RASEF: variants seen among roughly 807,000 people sequenced by gnomAD.
RASEF encodes RAS and EF-hand domain containing, also known as ras and EF-hand domain-containing protein.
In RASEF, 68 loss-of-function variants were observed where a neutral mutation model predicts 90.1. The observed-to-expected ratio is 0.75, with a 90% CI of 0.62 to 0.92. RASEF has a LOEUF of 0.92. Among genes scored for constraint, RASEF ranks in the 40% least tolerant of loss-of-function variants. The pLI, the probability that RASEF is intolerant of heterozygous loss-of-function variation, is 0.00. For synonymous variants in RASEF, 331 were observed against 345.2 expected, an observed-to-expected ratio of 0.96 and a Z score of 0.46; for missense variants, 949 against 937.2, an observed-to-expected ratio of 1.01 and a Z score of -0.16.
At chr9:83,038,108 T>C (rs1829775716) in intron 1 of RASEF, among the ~76,000 whole-genome samples, 1 of 152,042 alleles carries the variant, frequency 6.6e-6, no homozygotes, top group South Asian at 2.1e-4. Context: ...TATCTAAGTA[T>C]TGGAAAACAT....
chr9:83,032,384 C>T (rs1829663183), intron 1 of RASEF, among the ~76,000 whole-genome samples: 1 of 152,178 alleles, frequency 6.6e-6, no homozygotes, highest in African/African-American at 2.4e-5. Flanking sequence ...CACTTGCACT[C>T]TCAAATACCA....
chr9:83,097,379 C>A, the RASEF span, among the ~76,000 whole-genome samples: 592 of 152,300 alleles, frequency 3.9e-3, 3 homozygotes, highest in Middle Eastern at 0.02. Flanking sequence ...AAAGCAATGG[C>A]AACAGCAGCC....
chr9:83,113,761 C>T, the RASEF span, among the ~76,000 whole-genome samples: 227 of 152,220 alleles, frequency 1.5e-3, no homozygotes, highest in African/African-American at 5.2e-3. Flanking sequence ...CTAGTCAGAC[C>T]GGTTCTCTGC....
In RASEF at chr9:83,062,779, C is replaced by G. The variant is rs1417306620; in HGVS notation, c.89G>C (p.Arg30Pro). 1.3e-6 allele frequency: 2 copies of G among 1,557,048 alleles called. No individual in the cohort carries two copies. Among genetic ancestry groups the G allele is most frequent in the Non-Finnish European group, 1.7e-6 (2 of 1,161,180 alleles). The stretch of plus-strand genomic sequence containing the variant: ...CGTGCACAGTGCCCGGAACTCCTCG[C>G]GCTCCAGGCGCCCCGAGCGGTTCGC... The part of the protein sequence containing the change: ...CDANRSGRLE[R>P]EEFRALCTEL... Residue 30 changes from arginine (R) to proline (P), a missense_variant, in exon 1 of 17, where the codon CGC becomes CCC. Coordinates refer to ENST00000376447, the MANE Select transcript of RASEF (RefSeq NM_152573.4).
At chr9:83,124,121 C>T in the RASEF span, among the ~76,000 whole-genome samples, 6 of 152,248 alleles carry the variant, frequency 3.9e-5, no homozygotes, top group African/African-American at 9.6e-5. Flanking sequence ...AGCATGTGTT[C>T]GAATTTCCGT....
chr9:83,156,865 G>T, the RASEF span, among the ~76,000 whole-genome samples: 4 of 152,172 alleles, frequency 2.6e-5, no homozygotes, highest in African/African-American at 9.7e-5. Flanking sequence ...TCATGATTTT[G>T]TCTAGTAATG....
rs72740850 is a variant in RASEF, at chr9:82,993,469, C to T, written c.1921-444G>A. Among the ~76,000 whole-genome samples, 633 of 152,296 alleles carry T rather than the reference C, an allele frequency of 4.2e-3. 4 individuals carry two copies. In the Middle Eastern group the frequency reaches 0.048, roughly 11 times the overall value. On this transcript the variant is annotated intron_variant, in intron 14 of 16. Transcript: ENST00000376447. ...GAATCATATTTGGCTGTGCTGCCCA[C>T]ATAATTTTCTACAACTGTTATTTTA... is the stretch of plus-strand genomic sequence containing the variant.
At chr9:83,144,999 GTCTTAA>G in the RASEF span, among the ~76,000 whole-genome samples, 5 of 152,058 alleles carry the variant, frequency 3.3e-5, no homozygotes, top group African/African-American at 1.2e-4. Context: ...AACATCTCTA[GTCTTAA>G]TTCTGAATGT....
chr9:83,054,567 G>C (rs1830069130), intron 1 of RASEF: 1 of 149,590 alleles, frequency 6.7e-6, no homozygotes, highest in South Asian at 2.1e-4. Flanking sequence ...TTTCCATCCA[G>C]CTTTGTTCTG....
At chr9:83,162,562 C>T in the RASEF span, among the ~76,000 whole-genome samples, 1 of 152,118 alleles carries the variant, frequency 6.6e-6, no homozygotes, top group South Asian at 2.1e-4. Context: ...GGCTTCCAGT[C>T]CAGTATGTAG....
chr9:83,125,523 T>C, the RASEF span, among the ~76,000 whole-genome samples: 4,445 of 152,308 alleles, frequency 0.029, 219 homozygotes, highest in African/African-American at 0.1. Flanking sequence ...TCTCACAATT[T>C]GCTAATTTTT....
chr9:83,144,386 A>G, the RASEF span, among the ~76,000 whole-genome samples: 5 of 52,146 alleles, frequency 9.6e-5, no homozygotes, highest in South Asian at 1.6e-3. Flanking sequence ...AAAGAAAGAA[A>G]GAAAGGAAAG....
chr9:83,052,167 C>T, intron 1 of RASEF, among the ~76,000 whole-genome samples: 1 of 126,352 alleles, frequency 7.9e-6, no homozygotes, highest in African/African-American at 3.5e-5. Flanking sequence ...GTGAATCCAT[C>T]TGGTCCTGGA....
the RASEF span, among the ~76,000 whole-genome samples, chr9:83,217,787 A>T: frequency 6.6e-6 from 1 of 152,348 alleles, no homozygotes; most frequent in African/African-American, 2.4e-5. Flanking sequence ...ATTCATAAAA[A>T]TAGAGTTGGG....
At chr9:83,047,640 C>G (rs1309541639) in intron 1 of RASEF, among the ~76,000 whole-genome samples, 1 of 152,132 alleles carries the variant, frequency 6.6e-6, no homozygotes. Flanking sequence ...GGCAGCATAA[C>G]CTGGAAGTAG....
At chr9:83,069,657 G>A in the RASEF span, among the ~76,000 whole-genome samples, 1 of 152,228 alleles carries the variant, frequency 6.6e-6, no homozygotes, top group South Asian at 2.1e-4. Flanking sequence ...AGGAACATAC[G>A]TTTTATTTTC....
At chr9:83,088,253 A>G in the RASEF span, among the ~76,000 whole-genome samples, 1 of 152,002 alleles carries the variant, frequency 6.6e-6, no homozygotes, top group Non-Finnish European at 1.5e-5. Context: ...ATCGATGTAG[A>G]TATCTATATA....
the RASEF span, among the ~76,000 whole-genome samples, chr9:83,122,740 C>T: frequency 2.6e-5 from 4 of 152,140 alleles, no homozygotes; most frequent in Non-Finnish European, 5.9e-5. Context: ...GTTTCTTAAA[C>T]GTTATTTTAA....
the RASEF span, among the ~76,000 whole-genome samples, chr9:83,107,952 T>A: frequency 1.3e-5 from 2 of 152,166 alleles, no homozygotes; most frequent in African/African-American, 2.4e-5. Flanking sequence ...AAAAACATGT[T>A]GAGTGAAAAA....
Sources: gnomAD v4.1 joint callset for allele counts (sites outside exome capture counted in the v4.1 genomes callset) on GRCh38, gnomAD v4.1.1 for gene constraint, MANE v1.5 for transcripts, NCBI Gene and HGNC (gene_info 2026-07-23, HGNC 2026-07-21) for gene names.